Variants in MAPT observed in about 807,000 individuals in gnomAD.
The protein encoded by MAPT is microtubule-associated protein tau.
Under a neutral mutation model 67.9 loss-of-function variants are expected in MAPT, and 34 were observed. The ratio of observed to expected loss-of-function variants is 0.50; its 90% confidence interval spans 0.38 to 0.67. The LOEUF (loss-of-function observed/expected upper bound fraction) is 0.67. Ranked by LOEUF, MAPT falls within the 30% of genes least tolerant of loss-of-function variation. MAPT has a pLI of 0.00. For synonymous variants in MAPT, 456 were observed against 464.5 expected, an observed-to-expected ratio of 0.98 and a Z score of 0.23; for missense variants, 881 against 1,115.2, an observed-to-expected ratio of 0.79 and a Z score of 2.99.
chr17:45,978,398 A>T lies in MAPT; in HGVS notation c.244A>T (p.Thr82Ser). 6.2e-7 allele frequency: 1 copy of T among 1,605,624 alleles called. No homozygotes were observed. The highest frequency in any genetic ancestry group is 1.1e-5 in the South Asian group (1 of 90,856). The change falls in exon 4 of 13, where the codon ACC becomes TCC. Residue 82 changes from threonine to serine, a missense_variant. Around this residue, in one of 6 missense-constraint regions of MAPT, gnomAD observed 687 missense variants for 766.1 expected, o/e 0.90. Transcript: ENST00000262410. ...AEAEEAGIGD[T>S]PSLEDEAAGH... ...AGCTGAAGAAGCAGGCATTGGAGAC[A>T]CCCCCAGCCTGGAAGACGAAGCTGC...
At chr17:45,989,427 G>A (rs1239149681) in intron 6 of MAPT, among the ~76,000 whole-genome samples, 1 of 152,112 alleles carries the variant, frequency 6.6e-6, no homozygotes, top group Non-Finnish European at 1.5e-5. Context: ...GAGACGGGTG[G>A]ATCACGAGGT....
rs896990479 is a variant in MAPT, at chr17:45,906,591, C to A, written c.-18+11905C>A. Among the ~76,000 whole-genome samples, 8 of 152,180 alleles carry A rather than the reference C, an allele frequency of 5.3e-5. No individual in the cohort carries two copies. The highest frequency in any genetic ancestry group is 1.9e-4 in the African/African-American group (8 of 41,532). ...CTGTAAATGGAGGGTTTCTCCGGAG[C>A]GTGGATGGTGGGAGGTATTTCAGGG... On this transcript the variant is annotated intron_variant, in intron 1 of 12. Coordinates refer to ENST00000262410, the MANE Select transcript of MAPT (RefSeq NM_001377265.1). The surrounding 1 kb of genome is among the most constrained non-coding windows in gnomAD (Gnocchi z 4.3).
At chr17:45,900,626 G>C (rs1294486412) in intron 1 of MAPT, among the ~76,000 whole-genome samples, 1 of 152,188 alleles carries the variant, frequency 6.6e-6, no homozygotes, top group Non-Finnish European at 1.5e-5. Flanking sequence ...AGGAAGGTTT[G>C]GGAGCAGCTC....
chr17:45,962,926 AAAAAAAGAAAAG>A (rs1270455181), intron 2 of MAPT, among the ~76,000 whole-genome samples: 2 of 152,088 alleles, frequency 1.3e-5, no homozygotes, highest in African/African-American at 4.8e-5. Context: ...CCCTGTCAAA[AAAAAAAGAAAAG>A]AAAAAAGAAA....
At chr17:45,962,622 A>T in intron 2 of MAPT, 152 bp downstream of exon 2, 1 of 1,112,362 alleles carries the variant, frequency 9.0e-7, no homozygotes, top group Non-Finnish European at 1.3e-6. Flanking sequence ...GTGGGCCAAG[A>T]TAACTCAAGC....
chr17:45,909,869 C>CAAAAAAAAAA (rs59131080), intron 1 of MAPT, among the ~76,000 whole-genome samples: 3 of 59,856 alleles, frequency 5.0e-5, no homozygotes, highest in Non-Finnish European at 9.1e-5. Context: ...GACTCTGTCT[C>CAAAAAAAAAA]AAAAAAAAAA....
chr17:45,911,769 A>G (rs934278317), intron 1 of MAPT, among the ~76,000 whole-genome samples: 2 of 148,166 alleles, frequency 1.3e-5, no homozygotes, highest in African/African-American at 4.8e-5. Context: ...CTCTCAAAAA[A>G]ACAAACAAAC....
chr17:45,937,018 G>A (rs55874169), intron 1 of MAPT, among the ~76,000 whole-genome samples: 21,829 of 152,100 alleles, frequency 0.14, 2,136 homozygotes, highest in Middle Eastern at 0.22. Flanking sequence ...CCCACTCCCC[G>A]TCCCACGCCT....
intron 9 of MAPT, among the ~76,000 whole-genome samples, chr17:45,998,167 G>T (rs529523132): frequency 5.6e-4 from 85 of 152,208 alleles, no homozygotes; most frequent in African/African-American, 2.0e-3. Context: ...TTATCACTTG[G>T]GTCTGAGCCT....
At position 46,024,174 on chromosome 17, in the gene MAPT, A is replaced by C. The variant is rs1222752126; in HGVS notation, c.*3A>C. 6.2e-7 allele frequency: 1 copy of C among 1,613,526 alleles called. No individual in the cohort carries two copies. The highest frequency in any genetic ancestry group is 1.3e-5 in the African/African-American group (1 of 74,922). ...CCCTGGCCAAGCAGGGTTTGTGATC[A>C]GGCCCCTGGGGCGGTCAATAATTGT... On this transcript the variant is annotated 3_prime_UTR_variant, in exon 13 of 13. Transcript: ENST00000262410.
At chr17:46,012,830 T>C (rs11079728) in intron 10 of MAPT, among the ~76,000 whole-genome samples, 9,468 of 144,182 alleles carry the variant, frequency 0.066, 325 homozygotes, top group Middle Eastern at 0.12. Flanking sequence ...TACCAGCACG[T>C]CCTCCCACCT....
At position 45,906,961 on chromosome 17, in the gene MAPT, CAAT is replaced by C. The variant is rs1410611256; in HGVS notation, c.-18+12279_-18+12281del. On this transcript the variant is annotated intron_variant, in intron 1 of 12. Coordinates refer to ENST00000262410, the MANE Select transcript of MAPT (RefSeq NM_001377265.1). This position sits in a 1 kb window ranked among gnomAD's most constrained non-coding sequence, Gnocchi z 4.3. ...TCTCACCCTCGGATCCTTATGGAAA[CAAT>C]AATGAGTTGTTCCCTGTTTCAATTC... Among the ~76,000 whole-genome samples the C allele has an allele frequency of 6.6e-6, 1 of 152,174 alleles. No homozygotes were observed. The highest frequency in any genetic ancestry group is 2.4e-5 in the African/African-American group (1 of 41,432).
intron 1 of MAPT, among the ~76,000 whole-genome samples, chr17:45,928,503 G>A (rs193096120): frequency 8.5e-5 from 13 of 152,182 alleles, no homozygotes; most frequent in East Asian, 5.8e-4. Context: ...GGCAAGGACC[G>A]TACCACTGTA....
intron 1 of MAPT, among the ~76,000 whole-genome samples, chr17:45,918,795 C>T (rs1252086509): frequency 6.6e-6 from 1 of 152,180 alleles, no homozygotes; most frequent in Non-Finnish European, 1.5e-5. Context: ...CGGTGGCTCA[C>T]GCCTGTAATC....
rs745822941 is a variant in MAPT at position 45,996,362 on chromosome 17, C to T, written c.1733-37C>T. ...CCAGGGCCTTTTCTGACCCCACCCA[C>T]TCGAGTCCTGGCTTCACTCCCTTCC... On this transcript the variant is annotated intron_variant, in intron 8 of 12. Transcript: ENST00000262410. The surrounding 1 kb of genome is among the most constrained non-coding windows in gnomAD (Gnocchi z 4.5). 3 of 1,605,972 alleles carry T rather than the reference C, an allele frequency of 1.9e-6. No individual in the cohort carries two copies.
chr17:45,996,341 G>A lies in MAPT; in HGVS notation c.1733-58G>A. The A allele has an allele frequency of 6.3e-7, 1 of 1,590,456 alleles. No individual in the cohort carries two copies. Among genetic ancestry groups the A allele is most frequent in the Non-Finnish European group, 8.6e-7 (1 of 1,168,974 alleles). ...GACCCACGGGACAGGCAGCCCCCAG[G>A]GCCTTTTCTGACCCCACCCACTCGA... On this transcript the variant is annotated intron_variant, in intron 8 of 12. Transcript: ENST00000262410. This position sits in a 1 kb window ranked among gnomAD's most constrained non-coding sequence, Gnocchi z 4.5.
At chr17:45,924,812 A>G (rs1187278598) in intron 1 of MAPT, among the ~76,000 whole-genome samples, 2 of 152,180 alleles carry the variant, frequency 1.3e-5, no homozygotes, top group African/African-American at 2.4e-5. Context: ...CAAGAGGCGC[A>G]GTTGCTTTCT....
At chr17:45,981,379 G>A (rs2072931497) in intron 4 of MAPT, among the ~76,000 whole-genome samples, 1 of 152,214 alleles carries the variant, frequency 6.6e-6, no homozygotes, top group Non-Finnish European at 1.5e-5. Flanking sequence ...TATGCGGCCA[G>A]GTTAATGAAT....
intron 2 of MAPT, among the ~76,000 whole-genome samples, chr17:45,967,833 C>A (rs2071244073): frequency 6.6e-6 from 1 of 152,146 alleles, no homozygotes; most frequent in Admixed American, 6.5e-5. Context: ...CAAGTAAAAA[C>A]CAAATTCTGT....
Sources: gnomAD v4.1 joint callset for allele counts (sites outside exome capture counted in the v4.1 genomes callset) on GRCh38, gnomAD v4.1.1 for gene constraint, gnomAD v4.1.1 regional missense constraint, Gnocchi (gnomAD v3.1) non-coding constraint, MANE v1.5 for transcripts, NCBI Gene and HGNC (gene_info 2026-07-23, HGNC 2026-07-21) for gene names.